LRRC23: variants seen among roughly 807,000 people sequenced by gnomAD.
LRRC23 encodes the protein leucine-rich repeat-containing protein 23.
A neutral mutation model predicts 37.7 loss-of-function variants in LRRC23; 28 were observed. That is an observed-to-expected ratio of 0.74 (90% confidence interval 0.55 to 1.02). The LOEUF (loss-of-function observed/expected upper bound fraction) is 1.02, where lower values mean the gene tolerates loss of function less well. LRRC23 is among the 50% of genes least tolerant of loss of function. LRRC23 has a pLI of 0.00. For synonymous variants in LRRC23, 161 were observed against 165.4 expected (o/e 0.97, Z 0.20); for missense variants, 377 against 413.2 (o/e 0.91, Z 0.76).
chr12:6,909,781 C>G, intron 5 of LRRC23, 109 bp from the exon 6 acceptor site: 1 of 1,032,072 alleles, frequency 9.7e-7, no homozygotes, highest in South Asian at 1.6e-5. Flanking sequence ...TCTTCCACTC[C>G]TCCCTCTCTA....
chr12:6,906,862 A>G (rs998228725), intron 4 of LRRC23, 200 bp downstream of exon 4: 1 of 603,182 alleles, frequency 1.7e-6, no homozygotes, highest in South Asian at 2.0e-5. Flanking sequence ...CTATTCTCAT[A>G]TAGCTTATAT....
chr12:6,908,003 T>C lies in LRRC23; in HGVS notation c.621+558T>C, dbSNP rs188369694. Among the ~76,000 whole-genome samples, 480 of 152,280 alleles carry C rather than the reference T, an allele frequency of 3.2e-3. 2 individuals carry two copies. The highest frequency in any genetic ancestry group is 9.8e-3 in the African/African-American group (409 of 41,552). On this transcript the variant is annotated intron_variant, in intron 5 of 7. Coordinates refer to ENST00000443597, the MANE Select transcript of LRRC23 (RefSeq NM_001135217.2). Reference sequence around the variant, plus strand: ...CTCCAGAACTTCTGACACACCAGCTTCAACATGAAGCTGGTTCCCATGACC... The same window carrying C: ...CTCCAGAACTTCTGACACACCAGCTCCAACATGAAGCTGGTTCCCATGACC...
chr12:6,909,072 TTATATATTATATA>T (rs1945034336), intron 5 of LRRC23, among the ~76,000 whole-genome samples: 1 of 49,486 alleles, frequency 2.0e-5, no homozygotes, highest in Admixed American at 3.5e-4. Context: ...TAAATATATA[TTATATATTATATA>T]ATTATATATT....
chr12:6,905,148 G>A, intron 1 of LRRC23, 73 bp downstream of exon 1: 1 of 165,376 alleles, frequency 6.0e-6, no homozygotes, highest in Non-Finnish European at 1.3e-5. Context: ...GTACCAGAGG[G>A]CCCAAGGAAA....
At chr12:6,907,485 A>G (rs1944976721) in intron 5 of LRRC23, 40 bp downstream of exon 5, 1 of 1,611,142 alleles carries the variant, frequency 6.2e-7, no homozygotes, top group Admixed American at 1.7e-5. Context: ...GGAAGAGGGC[A>G]CTGTCCTGGG....
At chr12:6,913,500 T>C (rs1454428137) in intron 7 of LRRC23, among the ~76,000 whole-genome samples, 2 of 140,662 alleles carry the variant, frequency 1.4e-5, no homozygotes, top group African/African-American at 5.4e-5. Context: ...ACTGAAGAGA[T>C]GAGGGTGGCC....
Position 6,907,527 on chromosome 12 carries a change from C to T in LRRC23, c.621+82C>T, listed in dbSNP as rs781901821. 38 of 1,366,956 alleles carry T rather than the reference C, an allele frequency of 2.8e-5. No individual in the cohort carries two copies. The Admixed American group carries it at 6.2e-4, about 22-fold the overall frequency. The allele number at this position is 1,366,956 out of a possible 1,614,324, so 84.7% of individuals were successfully genotyped here. ...GATGCCTGCTTTCTAGTAGGCTCAG[C>T]TACTAACTTCATCATTATGATAATA... On this transcript the variant is annotated intron_variant, in intron 5 of 7. Transcript: ENST00000443597.
rs375265039 is a variant in LRRC23, at chr12:6,909,949, G to A, written c.681G>A (p.Leu227=). The change falls in exon 6 of 8, where the codon TTG becomes TTA. Residue 227 remains leucine, a synonymous_variant. Transcript: ENST00000443597. ...GLEDLSNLTT[L]HLRDNQIDTL... ...AGGATCTGAGCAATCTCACCACCTT[G>A]CATCTTCGAGACAACCAGATTGACA... is the stretch of plus-strand genomic sequence containing the variant. 1 of 1,613,856 alleles carries A rather than the reference G, an allele frequency of 6.2e-7. No individual in the cohort carries two copies. Among genetic ancestry groups the A allele is most frequent in the Non-Finnish European group, 8.5e-7 (1 of 1,179,922 alleles).
At chr12:6,909,344 A>T (rs1273799199) in intron 5 of LRRC23, among the ~76,000 whole-genome samples, 2 of 55,998 alleles carry the variant, frequency 3.6e-5, no homozygotes. Flanking sequence ...ATAATATATA[A>T]ATATATATAA....
chr12:6,913,753 CG>C (rs1292959275), intron 7 of LRRC23, 137 bp from the exon 8 acceptor site: 1 of 586,944 alleles, frequency 1.7e-6, no homozygotes, highest in African/African-American at 1.9e-5. Context: ...TTAGTAGAAA[CG>C]GGGTTTCACC....
In LRRC23 at chr12:6,905,266, G is replaced by A. The variant is rs1555139307; in HGVS notation, c.-50+191G>A. On this transcript the variant is annotated intron_variant, in intron 1 of 7. Transcript: ENST00000443597. Reference sequence around the variant, plus strand: ...GGAGGAATTGGTAGGGAAGATTGGAGAGCATGGCTTAAGGGGGAGGTGGGA... The same window carrying A: ...GGAGGAATTGGTAGGGAAGATTGGAAAGCATGGCTTAAGGGGGAGGTGGGA... 6 of 215,668 alleles carry A rather than the reference G, an allele frequency of 2.8e-5. No individual in the cohort carries two copies. In the South Asian group the frequency reaches 3.0e-4, roughly 11 times the overall value. 13.4% of individuals were successfully genotyped at this position (215,668 alleles called of 1,614,324 possible).
At position 6,914,012 on chromosome 12, in the gene LRRC23, C is replaced by T; in HGVS notation, c.*146C>T. ...GCTGGAAATTCATCACAACCTGAGG[C>T]CCAGGATCTGCTCTGTGCCGGTCCT... is the stretch of plus-strand genomic sequence containing the variant. On this transcript the variant is annotated 3_prime_UTR_variant, in exon 8 of 8. Coordinates refer to ENST00000443597, the MANE Select transcript of LRRC23 (RefSeq NM_001135217.2). This position sits in a 1 kb window ranked among gnomAD's most constrained non-coding sequence, Gnocchi z 7.1. The T allele has an allele frequency of 1.2e-6, 2 of 1,613,762 alleles. No homozygotes were observed. The highest frequency in any genetic ancestry group is 1.1e-5 in the South Asian group (1 of 91,054).
chr12:6,905,473 A>C, intron 1 of LRRC23, 112 bp from the exon 2 acceptor site: 1 of 659,098 alleles, frequency 1.5e-6, no homozygotes, highest in Non-Finnish European at 2.7e-6. Flanking sequence ...GGGATAAGGA[A>C]AGAAGCCTAG....
Position 6,912,873 on chromosome 12 carries a change from G to C in LRRC23, c.902G>C (p.Arg301Pro). Residue 301 changes from arginine (R) to proline (P), a missense_variant, in exon 7 of 8, where the codon CGC (arginine) becomes CCC (proline). Transcript: ENST00000443597. ...CTGGTGCAGATGCCATACCTTGAAC[G>C]CCTGGACAAGGAATTCTATGAGGAG... Reference protein sequence around the residue: ...EALVQMPYLERLDKEFYEEEE... With the variant: ...EALVQMPYLEPLDKEFYEEEE... 1 of 1,614,116 alleles carries C rather than the reference G, an allele frequency of 6.2e-7. No individual in the cohort carries two copies. Among genetic ancestry groups the C allele is most frequent in the Non-Finnish European group, 8.5e-7 (1 of 1,180,014 alleles).
At chr12:6,907,607 C>A in intron 5 of LRRC23, 162 bp downstream of exon 5, 1 of 743,306 alleles carries the variant, frequency 1.3e-6, no homozygotes. Context: ...AGATACACAG[C>A]CACCTAGCAG....
chr12:6,906,766 C>G, intron 4 of LRRC23, 104 bp downstream of exon 4: 1 of 1,162,902 alleles, frequency 8.6e-7, no homozygotes, highest in Middle Eastern at 2.0e-4. Context: ...AGTCTGCATT[C>G]ATTCATTCAT....
intron 6 of LRRC23, among the ~76,000 whole-genome samples, chr12:6,910,969 G>GAGA (rs1945145784): frequency 6.6e-6 from 1 of 151,996 alleles, no homozygotes; most frequent in African/African-American, 2.4e-5. Context: ...TCACAGTCTG[G>GAGA]CTCCAACTCT....
rs868926809 is a variant in LRRC23 at position 6,906,036 on chromosome 12, G to T, written c.236+82G>T. 3.3e-5 allele frequency: 42 copies of T among 1,265,780 alleles called. No homozygotes were observed. The Middle Eastern group carries it at 1.4e-3, about 41-fold the overall frequency. 78.4% of individuals were successfully genotyped at this position (1,265,780 alleles called of 1,614,324 possible). On this transcript the variant is annotated intron_variant, in intron 3 of 7. Coordinates refer to ENST00000443597, the MANE Select transcript of LRRC23 (RefSeq NM_001135217.2). ...TCCCACTGTCATTCCTGGGTGTTCTGGTTGAGAGTTTGACTCTTCTCATGC... is the reference window on the plus strand; with the variant it reads ...TCCCACTGTCATTCCTGGGTGTTCTTGTTGAGAGTTTGACTCTTCTCATGC...
rs1555139389 is a variant in LRRC23, at chr12:6,905,767, C to G, written c.126+8C>G. 6.2e-7 allele frequency: 1 copy of G among 1,612,848 alleles called. No homozygotes were observed. The highest frequency in any genetic ancestry group is 1.3e-5 in the African/African-American group (1 of 74,742). Reference sequence around the variant, plus strand: ...GAAGAGTTCCCTGAGGAAGTGAGAGCCTGGACAAGGAGGGGTCCTAGGGCT... The same window carrying G: ...GAAGAGTTCCCTGAGGAAGTGAGAGGCTGGACAAGGAGGGGTCCTAGGGCT... On this transcript the variant is annotated splice_region_variant and intron_variant, in intron 2 of 7. Coordinates refer to ENST00000443597, the MANE Select transcript of LRRC23 (RefSeq NM_001135217.2).
Sources: gnomAD v4.1 joint callset for allele counts (sites outside exome capture counted in the v4.1 genomes callset) on GRCh38, gnomAD v4.1.1 for gene constraint, Gnocchi (gnomAD v3.1) non-coding constraint, MANE v1.5 for transcripts, NCBI Gene and HGNC (gene_info 2026-07-23, HGNC 2026-07-21) for gene names.